Variants in IL1RAPL1 observed in about 807,000 individuals in gnomAD.
IL1RAPL1 encodes the protein interleukin-1 receptor accessory protein-like 1.
Under a neutral mutation model 48.4 loss-of-function variants are expected in IL1RAPL1, and 3 were observed. The observed-to-expected ratio is 0.06, with a 90% CI of 0.03 to 0.16. The LOEUF is 0.16. Ranked by LOEUF, IL1RAPL1 falls within the 10% of genes least tolerant of loss-of-function variation. IL1RAPL1 has a pLI of 1.00. For missense variants in IL1RAPL1, 349 were observed against 530.6 expected, an observed-to-expected ratio of 0.66 and a Z score of 3.36; for synonymous variants, 185 against 187.7, an observed-to-expected ratio of 0.99 and a Z score of 0.12.
chrX:29,207,562 C>T (rs1479870973), intron 2 of IL1RAPL1, among the ~76,000 whole-genome samples: 2 of 112,045 alleles, frequency 1.8e-5, no homozygotes, highest in African/African-American at 6.5e-5. Context: ...AACTATATCA[C>T]CTTAATTTCT....
chrX:29,790,849 A>C (rs1331130994), intron 6 of IL1RAPL1, among the ~76,000 whole-genome samples: 2 of 112,079 alleles, frequency 1.8e-5, no homozygotes, highest in Non-Finnish European at 3.8e-5. Flanking sequence ...CTTCTGCTTA[A>C]AACTGCTCAA....
At chrX:29,664,532 A>G (rs957869945) in intron 5 of IL1RAPL1, among the ~76,000 whole-genome samples, 9 of 111,787 alleles carry the variant, frequency 8.1e-5, no homozygotes, top group Non-Finnish European at 1.7e-4. Flanking sequence ...TATTCTCAAT[A>G]GTATTTGAGG....
chrX:29,416,310 A>G (rs1308523004), intron 5 of IL1RAPL1, among the ~76,000 whole-genome samples: 2 of 111,524 alleles, frequency 1.8e-5, no homozygotes, highest in Non-Finnish European at 3.8e-5. Flanking sequence ...GCACTTTGGG[A>G]GGCCGAGGCA....
intron 8 of IL1RAPL1, 113 bp from the exon 9 acceptor site, chrX:29,941,538 C>A (rs1933127516): frequency 1.3e-6 from 1 of 778,770 alleles, no homozygotes; most frequent in Admixed American, 2.2e-5. Flanking sequence ...GTTGTGTCAA[C>A]CCGTTAACCC....
intron 2 of IL1RAPL1, among the ~76,000 whole-genome samples, chrX:28,913,574 C>T (rs1923412544): frequency 9.0e-6 from 1 of 111,006 alleles, no homozygotes; most frequent in Admixed American, 9.7e-5. Flanking sequence ...AATACGTAGG[C>T]CAACTATTTG....
intron 2 of IL1RAPL1, among the ~76,000 whole-genome samples, chrX:29,166,910 A>G (rs1000489641): frequency 8.9e-6 from 1 of 111,950 alleles, no homozygotes; most frequent in African/African-American, 3.2e-5. Flanking sequence ...TTCATGCGTG[A>G]ATTTCCAGAT....
intron 6 of IL1RAPL1, among the ~76,000 whole-genome samples, chrX:29,688,591 C>T (rs990447178): frequency 5.4e-5 from 6 of 111,341 alleles, no homozygotes; most frequent in African/African-American, 2.0e-4. Flanking sequence ...GGGGGTGAGG[C>T]GGGCACGATT....
Position 29,252,189 on chromosome X carries a change from A to T in IL1RAPL1, c.83-30749A>T, listed in dbSNP as rs375734623. ...TAGATGACGAGTTAGTGGGTGCAGC[A>T]CACCAGCATGGCACATGTATACATA... is the stretch of plus-strand genomic sequence containing the variant. On this transcript the variant is annotated intron_variant, in intron 2 of 10. Coordinates refer to ENST00000378993, the MANE Select transcript of IL1RAPL1 (RefSeq NM_014271.4). Among the ~76,000 whole-genome samples the T allele has an allele frequency of 1.2e-4, 13 of 112,523 alleles. No homozygotes were observed. In the East Asian group the frequency reaches 1.4e-3, roughly 12 times the overall value.
At chrX:28,762,823 CAGAGAGAGAG>C (rs146402299) in intron 1 of IL1RAPL1, among the ~76,000 whole-genome samples, 4 of 36,777 alleles carry the variant, frequency 1.1e-4, no homozygotes, top group Admixed American at 4.0e-4. Flanking sequence ...CACACACACA[CAGAGAGAGAG>C]AGAGAGAGAG....
At chrX:29,144,387 G>T (rs773870772) in intron 2 of IL1RAPL1, among the ~76,000 whole-genome samples, 1 of 109,210 alleles carries the variant, frequency 9.2e-6, no homozygotes, top group Admixed American at 9.8e-5. Flanking sequence ...TGGATCACCT[G>T]AGGTCAGGAG....
intron 2 of IL1RAPL1, among the ~76,000 whole-genome samples, chrX:29,057,659 C>T (rs1234438155): frequency 1.8e-5 from 2 of 110,894 alleles, no homozygotes; most frequent in African/African-American, 6.6e-5. Flanking sequence ...GAACTCTTGA[C>T]CCCAGGTGAT....
At chrX:28,704,334 T>C (rs1935338240) in intron 1 of IL1RAPL1, among the ~76,000 whole-genome samples, 1 of 109,117 alleles carries the variant, frequency 9.2e-6, no homozygotes, top group African/African-American at 3.3e-5. Flanking sequence ...TCCCTCTTTC[T>C]ATTCCCAATT....
At chrX:28,768,749 CTCTCTCTA>C (rs1232810636) in intron 1 of IL1RAPL1, among the ~76,000 whole-genome samples, 386 of 69,792 alleles carry the variant, frequency 5.5e-3, no homozygotes, top group East Asian at 0.024. Context: ...CTCTCTCTCT[CTCTCTCTA>C]TATATATATA....
chrX:29,522,557 T>C (rs1359220471), intron 5 of IL1RAPL1, among the ~76,000 whole-genome samples: 1 of 111,937 alleles, frequency 8.9e-6, no homozygotes. Flanking sequence ...CTGTTGTCTC[T>C]CCGTATCTGG....
At chrX:29,193,141 T>C (rs1329245480) in intron 2 of IL1RAPL1, among the ~76,000 whole-genome samples, 1 of 110,958 alleles carries the variant, frequency 9.0e-6, no homozygotes, top group East Asian at 2.8e-4. Context: ...TTTACTTTGC[T>C]ATAATAATCT....
At chrX:29,944,683 T>G (rs1933185780) in intron 9 of IL1RAPL1, among the ~76,000 whole-genome samples, 1 of 111,748 alleles carries the variant, frequency 8.9e-6, no homozygotes, top group African/African-American at 3.3e-5. Flanking sequence ...TTTACTCTTG[T>G]TTAAACCTGT....
At chrX:28,968,242 C>T (rs1035936211) in intron 2 of IL1RAPL1, among the ~76,000 whole-genome samples, 33 of 111,180 alleles carry the variant, frequency 3.0e-4, no homozygotes, top group African/African-American at 1.1e-3. Flanking sequence ...CCATTAGTTC[C>T]GTAGCCATTA....
chrX:29,289,742 T>C (rs1440680793), intron 3 of IL1RAPL1, among the ~76,000 whole-genome samples: 2 of 112,144 alleles, frequency 1.8e-5, no homozygotes, highest in Non-Finnish European at 3.8e-5. Flanking sequence ...CTTCCTTCTT[T>C]GGTTTCTTTC....
At chrX:29,037,524 G>A (rs1926755840) in intron 2 of IL1RAPL1, among the ~76,000 whole-genome samples, 1 of 111,426 alleles carries the variant, frequency 9.0e-6, no homozygotes. Flanking sequence ...AACAATCAAT[G>A]TACCTCTGAA....
Sources: allele counts gnomAD v4.1 joint callset (sites outside exome capture counted in the v4.1 genomes callset), GRCh38; gene constraint gnomAD v4.1.1; transcripts MANE v1.5; gene names NCBI Gene and HGNC (gene_info 2026-07-23, HGNC 2026-07-21).